SLC38A7: variants seen among roughly 807,000 people sequenced by gnomAD.
SLC38A7 encodes solute carrier family 38 member 7, also known as sodium-coupled neutral amino acid transporter 7.
A neutral mutation model predicts 50.1 loss-of-function variants in SLC38A7; 29 were observed. The observed-to-expected ratio is 0.58, with a 90% confidence interval of 0.43 to 0.79. The LOEUF (loss-of-function observed/expected upper bound fraction) is 0.79. Ranked by LOEUF, SLC38A7 falls within the 30% of genes least tolerant of loss-of-function variation. The pLI is 0.00. For missense variants in SLC38A7, 483 were observed against 610.6 expected (o/e 0.79, Z 2.20); for synonymous variants, 244 against 245.9 (o/e 0.99, Z 0.07).
intron 11 of SLC38A7, among the ~76,000 whole-genome samples, chr16:58,669,683 A>G (rs1052046053): frequency 1.5e-5 from 2 of 134,334 alleles, no homozygotes; most frequent in African/African-American, 5.5e-5. Flanking sequence ...AAAAAAAACA[A>G]CAACAACCTG....
intron 5 of SLC38A7, chr16:58,677,690 T>G (rs1238432926): frequency 8.6e-6 from 4 of 462,838 alleles, no homozygotes; most frequent in East Asian, 4.1e-5. Flanking sequence ...TCAGAGACGA[T>G]GCAGAGAGCA....
chr16:58,667,286 C>G lies in SLC38A7; in HGVS notation c.*99G>C. On this transcript the variant is annotated 3_prime_UTR_variant, in exon 12 of 12. Transcript: ENST00000219320. Reference sequence around the variant, plus strand: ...AAGAGGATGTCCGGATGTCATCCCACCAGTTGGAATGATCGTGGACTAAGA... The same window carrying G: ...AAGAGGATGTCCGGATGTCATCCCAGCAGTTGGAATGATCGTGGACTAAGA... 8.0e-7 allele frequency: 1 copy of G among 1,252,628 alleles called. No individual in the cohort carries two copies. Among genetic ancestry groups the G allele is most frequent in the Non-Finnish European group, 1.2e-6 (1 of 863,444 alleles). The allele number at this position is 1,252,628 out of a possible 1,614,324, so 77.6% of individuals were successfully genotyped here.
At chr16:58,668,095 A>G (rs914994004) in intron 11 of SLC38A7, among the ~76,000 whole-genome samples, 4 of 152,136 alleles carry the variant, frequency 2.6e-5, no homozygotes, top group Non-Finnish European at 5.9e-5. Flanking sequence ...TGAGGTCAGG[A>G]GTTCAAGACC....
chr16:58,667,141 G>GAGAACATAGAGGAGTC lies in SLC38A7; in HGVS notation c.*243_*244insGACTCCTCTATGTTCT, dbSNP rs1555505932. ...GTTGAGAACTGGGAGAGGAGGAGGG[G>GAGAACATAGAGGAGTC]TCCTCTATGATGTGAGACTTCCTGC... On this transcript the variant is annotated 3_prime_UTR_variant, in exon 12 of 12. Coordinates refer to ENST00000219320, the MANE Select transcript of SLC38A7 (RefSeq NM_018231.3). 28 of 512,326 alleles carry GAGAACATAGAGGAGTC rather than the reference G, an allele frequency of 5.5e-5. No homozygotes were observed. The highest frequency in any genetic ancestry group is 3.8e-4 in the East Asian group (12 of 31,918). The allele number at this position is 512,326 out of a possible 1,614,324, so 31.7% of individuals were successfully genotyped here.
At chr16:58,676,203 G>T (rs996201306) in intron 7 of SLC38A7, 86 bp downstream of exon 7, 3 of 1,588,310 alleles carry the variant, frequency 1.9e-6, no homozygotes, top group African/African-American at 2.7e-5. Context: ...CCTCCATTCT[G>T]CCTGGGTTCC....
chr16:58,678,609 G>A lies in SLC38A7; in HGVS notation c.469+87C>T. Reference sequence around the variant, plus strand: ...GAATGCTGGGCCCAGGTAAGTCCTGGAGAGGTGTTCAGTGCCTTTTCCCTC... The same window carrying A: ...GAATGCTGGGCCCAGGTAAGTCCTGAAGAGGTGTTCAGTGCCTTTTCCCTC... On this transcript the variant is annotated intron_variant, in intron 4 of 11. Transcript: ENST00000219320. The surrounding 1 kb of genome is among the most constrained non-coding windows in gnomAD (Gnocchi z 4.0). The A allele has an allele frequency of 3.2e-6, 5 of 1,578,568 alleles. No homozygotes were observed. The highest frequency in any genetic ancestry group is 4.3e-6 in the Non-Finnish European group (5 of 1,156,208).
intron 11 of SLC38A7, among the ~76,000 whole-genome samples, chr16:58,668,837 A>G (rs2044099668): frequency 6.8e-6 from 1 of 147,810 alleles, no homozygotes; most frequent in Admixed American, 6.8e-5. Flanking sequence ...CAGTGGTGCG[A>G]TCTCCACTTA....
At position 58,678,504 on chromosome 16, in the gene SLC38A7, GC is replaced by G. The variant is rs1215401167; in HGVS notation, c.470-31del. ...ACAGGGAGGAAGGAGGGAATGTCAA[GC>G]CAGGCCACCATGGGGTGTGGCCCTC... On this transcript the variant is annotated intron_variant, in intron 4 of 11. Coordinates refer to ENST00000219320, the MANE Select transcript of SLC38A7 (RefSeq NM_018231.3). The surrounding 1 kb of genome is among the most constrained non-coding windows in gnomAD (Gnocchi z 4.0). The G allele has an allele frequency of 6.5e-7, 1 of 1,544,240 alleles. No homozygotes were observed. Among genetic ancestry groups the G allele is most frequent in the Admixed American group, 1.9e-5 (1 of 52,044 alleles).
chr16:58,680,020 T>C lies in SLC38A7; in HGVS notation c.107A>G (p.Lys36Arg), dbSNP rs751738138. Residue 36 changes from lysine (K) to arginine (R), a missense_variant, in exon 3 of 12, where the codon AAG becomes AGG. By Grantham distance (26) the Lys-to-Arg change is conservative. Transcript: ENST00000219320. Reference protein sequence around the residue: ...LQSPCVDTAPKSEWEASPGGL... With the variant: ...LQSPCVDTAPRSEWEASPGGL... ...CCCAGGAGAGGCTTCCCACTCACTC[T>C]TGGGGGCTGTGTCCACACAGGGACT... The C allele has an allele frequency of 4.3e-6, 7 of 1,610,338 alleles. No homozygotes were observed. Among genetic ancestry groups the C allele is most frequent in the Non-Finnish European group, 5.9e-6 (7 of 1,177,890 alleles).
chr16:58,667,290 T>C lies in SLC38A7; in HGVS notation c.*95A>G, dbSNP rs772849383. ...GGATGTCCGGATGTCATCCCACCAG[T>C]TGGAATGATCGTGGACTAAGAATGG... On this transcript the variant is annotated 3_prime_UTR_variant, in exon 12 of 12. Transcript: ENST00000219320. The C allele has an allele frequency of 7.8e-7, 1 of 1,286,574 alleles. No individual in the cohort carries two copies. Among genetic ancestry groups the C allele is most frequent in the Non-Finnish European group, 1.1e-6 (1 of 892,702 alleles). 79.7% of individuals were successfully genotyped at this position (1,286,574 alleles called of 1,614,324 possible).
chr16:58,671,867 C>A, intron 9 of SLC38A7: 1 of 432,612 alleles, frequency 2.3e-6, no homozygotes, highest in Non-Finnish European at 4.0e-6. Flanking sequence ...CCGTGCCATG[C>A]CATGGATAGA....
At chr16:58,670,905 G>A in intron 10 of SLC38A7, 140 bp downstream of exon 10, 2 of 885,526 alleles carry the variant, frequency 2.3e-6, no homozygotes, top group Non-Finnish European at 3.6e-6. Flanking sequence ...ATAGGGGCTA[G>A]TACAGAGGCG....
intron 8 of SLC38A7, among the ~76,000 whole-genome samples, chr16:58,674,345 T>C (rs2044221523): frequency 6.6e-6 from 1 of 152,146 alleles, no homozygotes; most frequent in African/African-American, 2.4e-5. Flanking sequence ...GGCATGATCA[T>C]GGGTCTCTAC....
In SLC38A7 at chr16:58,675,930, G is replaced by T; in HGVS notation, c.883+10C>A. On this transcript the variant is annotated intron_variant, in intron 8 of 11. Transcript: ENST00000219320. ...TCTAGTCCCAGGTCTTGGGGGGGGGGAGCACTCACCTGTCCCCATGTAGAC... is the reference window on the plus strand; with the variant it reads ...TCTAGTCCCAGGTCTTGGGGGGGGGTAGCACTCACCTGTCCCCATGTAGAC... The T allele has an allele frequency of 6.3e-7, 1 of 1,583,930 alleles. No individual in the cohort carries two copies.
In SLC38A7 at chr16:58,671,213, G is replaced by C; in HGVS notation, c.1063C>G (p.Gln355Glu). The C allele has an allele frequency of 7.4e-6, 12 of 1,613,864 alleles. No individual in the cohort carries two copies. The highest frequency in any genetic ancestry group is 1.0e-5 in the Non-Finnish European group (12 of 1,179,888). The part of the protein sequence containing the change: ...AVVEGLWLRY[Q>E]GVPVEEDVGR... ...ACGTCCTCCTCCACTGGCACCCCCT[G>C]GTAGCGCAGCCACAGGCCTTCCACC... is the stretch of plus-strand genomic sequence containing the variant. The change falls in exon 10 of 12, where the codon CAG (glutamine) becomes GAG (glutamate). Residue 355 changes from glutamine to glutamate, a missense_variant. Coordinates refer to ENST00000219320, the MANE Select transcript of SLC38A7 (RefSeq NM_018231.3).
rs1256933057 is a variant in SLC38A7, at chr16:58,678,809, A to G, written c.356T>C (p.Val119Ala). The G allele has an allele frequency of 6.2e-7, 1 of 1,614,070 alleles. No homozygotes were observed. The change falls in exon 4 of 12, where the codon GTA becomes GCA. Residue 119 changes from valine (V) to alanine (A), a missense_variant. Physicochemically the swap from Val to Ala is moderately conservative, Grantham distance 64. Coordinates refer to ENST00000219320, the MANE Select transcript of SLC38A7 (RefSeq NM_018231.3). This position sits in a 1 kb window ranked among gnomAD's most constrained non-coding sequence, Gnocchi z 4.0. The part of the protein sequence containing the change: ...ASNERTYQEV[V>A]WAVCGKLTGV... ...TGTCAGCTTGCCACACACAGCCCAT[A>G]CCACCTCCTGGTAGGTCCTCTCATT...
At chr16:58,670,933 G>T in intron 10 of SLC38A7, 112 bp downstream of exon 10, 1 of 1,119,266 alleles carries the variant, frequency 8.9e-7, no homozygotes, top group Non-Finnish European at 1.3e-6. Context: ...TGATCAATTA[G>T]TGCTGGTGGT....
At chr16:58,677,668 C>A in intron 5 of SLC38A7, 2 of 511,038 alleles carry the variant, frequency 3.9e-6, no homozygotes, top group Non-Finnish European at 3.6e-6. Context: ...AGTGCTGGTT[C>A]AGCTCCATGG....
In SLC38A7 at chr16:58,667,496, C is replaced by G; in HGVS notation, c.1287-9G>C. 1.2e-6 allele frequency: 2 copies of G among 1,600,870 alleles called. No homozygotes were observed. Among genetic ancestry groups the G allele is most frequent in the Non-Finnish European group, 1.7e-6 (2 of 1,173,586 alleles). On this transcript the variant is annotated splice_polypyrimidine_tract_variant and intron_variant, in intron 11 of 11. Coordinates refer to ENST00000219320, the MANE Select transcript of SLC38A7 (RefSeq NM_018231.3). ...TGACCAGCACCCACCAGCTGTAGAA[C>G]AGAGGGTGAGAGAGGTCTGATCAGT...
Sources: allele counts gnomAD v4.1 joint callset (sites outside exome capture counted in the v4.1 genomes callset), GRCh38; gene constraint gnomAD v4.1.1; non-coding constraint Gnocchi (gnomAD v3.1); transcripts MANE v1.5; gene names NCBI Gene and HGNC (gene_info 2026-07-23, HGNC 2026-07-21).